The following CAPS2 variants were observed in gnomAD, a reference collection of about 807,000 sequenced individuals.
The protein encoded by CAPS2 is calcyphosine 2, also known as calcyphosin-2.
In CAPS2, 98 loss-of-function variants were observed where a neutral mutation model predicts 86.5. The ratio of observed to expected loss-of-function variants is 1.13; its 90% CI spans 0.96 to 1.34. The LOEUF (loss-of-function observed/expected upper bound fraction) is 1.34. CAPS2 is among the 40% of genes most tolerant of loss of function. The pLI is 0.00. For missense variants in CAPS2, 729 were observed against 686.8 expected (o/e 1.06, Z -0.69); for synonymous variants, 210 against 225.1 (o/e 0.93, Z 0.60).
At chr12:75,358,583 C>A (rs184592640) in intron 1 of CAPS2, among the ~76,000 whole-genome samples, 1 of 150,770 alleles carries the variant, frequency 6.6e-6, no homozygotes, top group African/African-American at 2.4e-5. Flanking sequence ...AAAAACTGAC[C>A]ACTAACATTA....
intron 14 of CAPS2, 49 bp downstream of exon 14, chr12:75,289,572 C>T: frequency 1.3e-6 from 2 of 1,512,872 alleles, no homozygotes; most frequent in African/African-American, 1.4e-5. Context: ...AATAATGCCA[C>T]CTAAGAATAA....
At chr12:75,369,108 T>C (rs1323003598) in intron 1 of CAPS2, among the ~76,000 whole-genome samples, 1 of 151,976 alleles carries the variant, frequency 6.6e-6, no homozygotes, top group East Asian at 1.9e-4. Flanking sequence ...GTTATATATG[T>C]AGACCTTGGA....
chr12:75,365,686 C>G (rs769465055), intron 1 of CAPS2, among the ~76,000 whole-genome samples: 9 of 151,912 alleles, frequency 5.9e-5, no homozygotes, highest in Non-Finnish European at 2.9e-5. Flanking sequence ...TTACATTTAC[C>G]TCATTATTTA....
chr12:75,291,109 C>T (rs2035779508), intron 13 of CAPS2, among the ~76,000 whole-genome samples: 1 of 151,878 alleles, frequency 6.6e-6, no homozygotes, highest in Non-Finnish European at 1.5e-5. Context: ...TAATTTATTA[C>T]CTACAACAAC....
At chr12:75,282,395 G>T in intron 15 of CAPS2, 48 bp from the exon 16 acceptor site, 1 of 1,264,672 alleles carries the variant, frequency 7.9e-7, no homozygotes, top group Non-Finnish European at 1.2e-6. Context: ...TGGTTGTTTT[G>T]CTTTGCTTTG....
chr12:75,348,195 CA>C (rs1373605321), intron 1 of CAPS2, among the ~76,000 whole-genome samples: 1 of 152,034 alleles, frequency 6.6e-6, no homozygotes, highest in Admixed American at 6.6e-5. Flanking sequence ...AGGGAAACTC[CA>C]AAAATGAAAT....
intron 1 of CAPS2, among the ~76,000 whole-genome samples, chr12:75,353,083 G>A (rs923004661): frequency 3.3e-5 from 5 of 151,902 alleles, no homozygotes; most frequent in Admixed American, 6.6e-5. Flanking sequence ...ATAACTAAAG[G>A]AACTAGAGAA....
exon 5 of CAPS2, chr12:75,321,415 G>A: frequency 6.5e-7 from 1 of 1,541,188 alleles, no homozygotes; most frequent in Non-Finnish European, 8.8e-7. Flanking sequence ...CATCTATCTT[G>A]TTTCTTGGAG....
chr12:75,318,837 T>A (rs1200943294), intron 5 of CAPS2, among the ~76,000 whole-genome samples: 1 of 152,152 alleles, frequency 6.6e-6, no homozygotes, highest in Non-Finnish European at 1.5e-5. Context: ...TTTTGTCTGT[T>A]TTATTCACTG....
intron 15 of CAPS2, among the ~76,000 whole-genome samples, chr12:75,283,616 C>T (rs2034352582): frequency 6.6e-6 from 1 of 152,020 alleles, no homozygotes. Context: ...GAGTTCAAGA[C>T]CAGCTTGGCC....
intron 11 of CAPS2, among the ~76,000 whole-genome samples, chr12:75,296,698 A>G (rs2036952259): frequency 6.6e-6 from 1 of 152,188 alleles, no homozygotes; most frequent in Non-Finnish European, 1.5e-5. Context: ...GAAAGACTTA[A>G]TGGGGCATAT....
At chr12:75,312,341 C>G (rs2039322540) in intron 7 of CAPS2, among the ~76,000 whole-genome samples, 1 of 152,126 alleles carries the variant, frequency 6.6e-6, no homozygotes, top group Admixed American at 6.6e-5. Flanking sequence ...ACAGTTTCAA[C>G]AAGACAGCAC....
intron 1 of CAPS2, among the ~76,000 whole-genome samples, chr12:75,376,074 A>G (rs1227445177): frequency 6.6e-6 from 1 of 152,150 alleles, no homozygotes; most frequent in Non-Finnish European, 1.5e-5. Context: ...TAGCATTTCA[A>G]TCTCTCTAAG....
upstream of CAPS2, among the ~76,000 whole-genome samples, chr12:75,328,098 A>G (rs1253260782): frequency 6.6e-6 from 1 of 152,036 alleles, no homozygotes; most frequent in Non-Finnish European, 1.5e-5. Context: ...CTCCTATAGC[A>G]CTACAGATGG....
intron 12 of CAPS2, among the ~76,000 whole-genome samples, chr12:75,292,040 T>C (rs913606725): frequency 6.6e-6 from 1 of 152,094 alleles, no homozygotes. Context: ...GGACTACTTG[T>C]AAAACTACTT....
At chr12:75,365,796 C>G (rs919227827) in intron 1 of CAPS2, among the ~76,000 whole-genome samples, 1 of 152,038 alleles carries the variant, frequency 6.6e-6, no homozygotes, top group Admixed American at 6.6e-5. Context: ...GGTGTTTACT[C>G]AAGAAATAAA....
intron 2 of CAPS2, among the ~76,000 whole-genome samples, chr12:75,324,422 T>C (rs1389964164): frequency 6.6e-6 from 1 of 152,222 alleles, no homozygotes; most frequent in Admixed American, 6.5e-5. Context: ...TCAAATTTCT[T>C]TATAATAAAC....
chr12:75,367,168 C>T (rs771192510), intron 1 of CAPS2, among the ~76,000 whole-genome samples: 3 of 147,524 alleles, frequency 2.0e-5, no homozygotes, highest in Admixed American at 6.9e-5. Flanking sequence ...ACCCAAAAGG[C>T]GGGGGGTTCT....
At chr12:75,369,603 A>T (rs2044223210) in intron 1 of CAPS2, 1 of 984,702 alleles carries the variant, frequency 1.0e-6, no homozygotes, top group Non-Finnish European at 1.2e-6. Flanking sequence ...ATTGTTAATG[A>T]GTTCTGCATA....
Sources: allele counts gnomAD v4.1 joint callset (sites outside exome capture counted in the v4.1 genomes callset), GRCh38; gene constraint gnomAD v4.1.1; transcripts MANE v1.5; gene names NCBI Gene and HGNC (gene_info 2026-07-23, HGNC 2026-07-21).